Variants in HERC2 observed in about 807,000 individuals in gnomAD.
HERC2 encodes the protein E3 ubiquitin-protein ligase HERC2.
A neutral mutation model predicts 537.7 loss-of-function variants in HERC2; 102 were observed. The observed-to-expected ratio is 0.19, with a 90% CI of 0.16 to 0.22. The LOEUF (loss-of-function observed/expected upper bound fraction) is 0.22. Ranked by LOEUF, HERC2 falls within the 10% of genes least tolerant of loss-of-function variation. HERC2 has a pLI of 1.00. For synonymous variants in HERC2, 2,224 were observed against 2,466.2 expected (o/e 0.90, Z 2.91); for missense variants, 4,236 against 6,198.2 (o/e 0.68, Z 10.63).
At chr15:28,151,437 C>T (rs1428238782) in intron 70 of HERC2, among the ~76,000 whole-genome samples, 1 of 151,914 alleles carries the variant, frequency 6.6e-6, no homozygotes, top group Non-Finnish European at 1.5e-5. Flanking sequence ...CTACTGCACT[C>T]CAGCCTGGAT....
chr15:28,208,461 T>C (rs539804367), intron 44 of HERC2, among the ~76,000 whole-genome samples: 1 of 152,072 alleles, frequency 6.6e-6, no homozygotes, highest in South Asian at 2.1e-4. Flanking sequence ...CAATTCTCCA[T>C]CTCTGTCATC....
intron 16 of HERC2, among the ~76,000 whole-genome samples, chr15:28,259,534 T>C (rs562205196): frequency 6.6e-6 from 1 of 152,282 alleles, no homozygotes; most frequent in South Asian, 2.1e-4. Context: ...TAAGGTCAGC[T>C]TTCCCCTGAT....
chr15:28,233,553 C>G lies in HERC2; in HGVS notation c.4360G>C (p.Ala1454Pro). Residue 1454 changes from alanine (A) to proline (P), a missense_variant, in exon 29 of 93, where the codon GCA becomes CCA. By Grantham distance (27) the Ala-to-Pro change is conservative. Transcript: ENST00000261609. ...GCACCTGCATGAACTAAAGATAATG[C>G]CACATGACCTGTAAAAAGACATTTA... is the stretch of plus-strand genomic sequence containing the variant. ...LLKHEDLGHVALSLVHAGALG... is the reference protein window; with the variant it reads ...LLKHEDLGHVPLSLVHAGALG... 2 of 1,613,124 alleles carry G rather than the reference C, an allele frequency of 1.2e-6. No individual in the cohort carries two copies. Among genetic ancestry groups the G allele is most frequent in the Non-Finnish European group, 1.7e-6 (2 of 1,179,232 alleles).
intron 17 of HERC2, 99 bp from the exon 18 acceptor site, chr15:28,256,416 T>A: frequency 2.4e-6 from 2 of 826,486 alleles, no homozygotes; most frequent in Non-Finnish European, 3.7e-6. Flanking sequence ...AAGTATTATT[T>A]AAATAGACAA....
rs892117115 is a variant in HERC2, at chr15:28,265,530, A to C, written c.1870+88T>G. The C allele has an allele frequency of 5.5e-6, 6 of 1,096,714 alleles. No individual in the cohort carries two copies. The Admixed American group carries it at 1.1e-4, about 20-fold the overall frequency. The allele number at this position is 1,096,714 out of a possible 1,614,324, so 67.9% of individuals were successfully genotyped here. On this transcript the variant is annotated intron_variant, in intron 14 of 92. Transcript: ENST00000261609. The surrounding 1 kb of genome is among the most constrained non-coding windows in gnomAD (Gnocchi z 4.0). ...GGGCGACAGGGTGGGTGGCCTCGTG[A>C]GGCCCACTGTACTCATCTCACTTCC...
rs563470218 is a variant in HERC2 at position 28,270,719 on chromosome 15, C to T, written c.1233G>A (p.Leu411=). ...DRLATPCMPP[L]CSSPTSHKGS... ...CCTTATGAGATGTCGGAGAGCTACA[C>T]AGCGGAGGCATACAGGGCGTAGCCA... Residue 411 remains leucine, a synonymous_variant, in exon 10 of 93, where the codon CTG becomes CTA. Coordinates refer to ENST00000261609, the MANE Select transcript of HERC2 (RefSeq NM_004667.6). 2 of 1,613,956 alleles carry T rather than the reference C, an allele frequency of 1.2e-6. No individual in the cohort carries two copies. Among genetic ancestry groups the T allele is most frequent in the Admixed American group, 1.7e-5 (1 of 60,008 alleles).
intron 4 of HERC2, among the ~76,000 whole-genome samples, chr15:28,280,627 G>A (rs1254743523): frequency 2.6e-5 from 4 of 152,102 alleles, no homozygotes; most frequent in Non-Finnish European, 4.4e-5. Flanking sequence ...GAAGTTGGCC[G>A]GGCACAGTGG....
At chr15:28,269,469 C>A in intron 10 of HERC2, 33 bp from the exon 11 acceptor site, 1 of 1,523,180 alleles carries the variant, frequency 6.6e-7, no homozygotes, top group Non-Finnish European at 9.0e-7. Context: ...TTTCCTTTAA[C>A]AACAACAACA....
intron 90 of HERC2, among the ~76,000 whole-genome samples, chr15:28,114,319 G>C (rs1216658498): frequency 1.3e-5 from 2 of 152,184 alleles, no homozygotes; most frequent in African/African-American, 2.4e-5. Context: ...CCTGTCCCAG[G>C]GAAGCCAACA....
At chr15:28,219,237 T>A (rs1038656692) in intron 37 of HERC2, among the ~76,000 whole-genome samples, 1 of 152,104 alleles carries the variant, frequency 6.6e-6, no homozygotes, top group African/African-American at 2.4e-5. Flanking sequence ...ATCTGTGGAG[T>A]GGGGCGACCA....
In HERC2 at chr15:28,121,415, C is replaced by A. The variant is rs764998853; in HGVS notation, c.13203G>T (p.Arg4401=). The change falls in exon 86 of 93, where the codon CGG becomes CGT. Residue 4401 remains arginine, a synonymous_variant. Coordinates refer to ENST00000261609, the MANE Select transcript of HERC2 (RefSeq NM_004667.6). ...GTACCATAGTTGCTTGTACTACTTT[C>A]CGGAAAGCCGCCTCCTAAAACACAT... ...LISQGKEAAF[R]KVVQATMVRD... 1 of 1,614,174 alleles carries A rather than the reference C, an allele frequency of 6.2e-7. No homozygotes were observed. The highest frequency in any genetic ancestry group is 2.2e-5 in the East Asian group (1 of 44,878).
intron 2 of HERC2, among the ~76,000 whole-genome samples, chr15:28,311,000 C>T (rs1396723797): frequency 7.6e-6 from 1 of 130,910 alleles, no homozygotes; most frequent in African/African-American, 2.8e-5. Context: ...TTGTTTGAAC[C>T]TGGGAGGCGG....
At chr15:28,213,386 GT>G (rs577589963) in intron 42 of HERC2, 4,939 of 91,964 alleles carry the variant, frequency 0.054, 659 homozygotes, top group African/African-American at 0.24. Context: ...AAGAAAGGCT[GT>G]TTTTTTAAAG....
intron 80 of HERC2, 36 bp downstream of exon 80, chr15:28,132,617 T>C (rs755933898): frequency 5.1e-6 from 7 of 1,376,282 alleles, no homozygotes; most frequent in Admixed American, 2.9e-5. Context: ...GTGAGGAGCA[T>C]GCAGCCTCCG....
rs1435069072 is a variant in HERC2, at chr15:28,112,690, C to G, written c.14232+381G>C. Among the ~76,000 whole-genome samples, 32 of 152,088 alleles carry G rather than the reference C, an allele frequency of 2.1e-4. 1 individual carries two copies. Among genetic ancestry groups the G allele is most frequent in the Admixed American group, 2.0e-3 (31 of 15,278 alleles). On this transcript the variant is annotated intron_variant, in intron 92 of 92. Coordinates refer to ENST00000261609, the MANE Select transcript of HERC2 (RefSeq NM_004667.6). ...ACCACCGGCCCACAGAGTTGGAACC[C>G]AAAGCAAAACCCTTGTTCTCAATCC...
At chr15:28,314,224 A>C (rs2077021184) in intron 2 of HERC2, among the ~76,000 whole-genome samples, 1 of 152,232 alleles carries the variant, frequency 6.6e-6, no homozygotes, top group African/African-American at 2.4e-5. Context: ...AAAATGAAAA[A>C]AAAAATAGAA....
At chr15:28,223,125 T>C (rs547640991) in intron 35 of HERC2, among the ~76,000 whole-genome samples, 151 of 152,206 alleles carry the variant, frequency 9.9e-4, no homozygotes, top group African/African-American at 3.3e-3. Context: ...GTGCCCTGGG[T>C]GGCTACAGAG....
intron 74 of HERC2, among the ~76,000 whole-genome samples, chr15:28,143,251 G>A (rs1237099281): frequency 6.6e-6 from 1 of 152,122 alleles, no homozygotes; most frequent in Non-Finnish European, 1.5e-5. Context: ...CCCATGGGTA[G>A]GATCAAAAGG....
Position 28,113,805 on chromosome 15 carries a change from C to T in HERC2, c.13914-127G>A, listed in dbSNP as rs950421120. The T allele has an allele frequency of 1.5e-5, 11 of 729,692 alleles. No homozygotes were observed. The African/African-American group carries it at 1.6e-4, about 10-fold the overall frequency. The allele number at this position is 729,692 out of a possible 1,614,324, so 45.2% of individuals were successfully genotyped here. A position where few individuals can be genotyped will look rare whatever the true frequency, so the allele number is the denominator to read the frequency against. On this transcript the variant is annotated intron_variant, in intron 90 of 92. Transcript: ENST00000261609. This position sits in a 1 kb window ranked among gnomAD's most constrained non-coding sequence, Gnocchi z 7.0. ...AGCTGGGAGAACAGAGGGAGCAGCTCCAGATGGCATGAGCATGCTTAGCAG... is the reference window on the plus strand; with the variant it reads ...AGCTGGGAGAACAGAGGGAGCAGCTTCAGATGGCATGAGCATGCTTAGCAG...
Sources: allele counts gnomAD v4.1 joint callset (sites outside exome capture counted in the v4.1 genomes callset), GRCh38; gene constraint gnomAD v4.1.1; non-coding constraint Gnocchi (gnomAD v3.1); transcripts MANE v1.5; gene names NCBI Gene and HGNC (gene_info 2026-07-23, HGNC 2026-07-21).